The following MUTYH variants were observed in gnomAD, a reference collection of about 807,000 sequenced individuals.
MUTYH encodes the protein adenine DNA glycosylase.
A neutral mutation model predicts 72.9 loss-of-function variants in MUTYH; 64 were observed. The observed-to-expected ratio is 0.88, with a 90% CI of 0.72 to 1.08. The LOEUF (loss-of-function observed/expected upper bound fraction) is 1.08, where lower values mean the gene tolerates loss of function less well. Among genes scored for constraint, MUTYH ranks in the 50% least tolerant of loss-of-function variants. MUTYH has a pLI of 0.00. For missense variants in MUTYH, 633 were observed against 671.0 expected (o/e 0.94, Z 0.63); for synonymous variants, 234 against 263.1 (o/e 0.89, Z 1.07).
chr1:45,331,388 C>T, intron 13 of MUTYH, 32 bp downstream of exon 13: 1 of 1,614,240 alleles, frequency 6.2e-7, no homozygotes, highest in Non-Finnish European at 8.5e-7. Context: ...CCTCAAAAGC[C>T]AACATCCTTG....
intron 1 of MUTYH, among the ~76,000 whole-genome samples, chr1:45,335,496 A>C (rs1570480032): frequency 6.6e-6 from 1 of 150,708 alleles, no homozygotes. Context: ...CTCCATTTGC[A>C]CTGTCTTACC....
At chr1:45,338,340 C>T (rs1646263915) in intron 1 of MUTYH, 1 of 509,458 alleles carries the variant, frequency 2.0e-6, no homozygotes, top group Non-Finnish European at 3.8e-6. Context: ...TGCTTAAACA[C>T]CTCAAGTGTG....
rs376600220 is a variant in MUTYH at position 45,333,176 on chromosome 1, G to C, written c.305-6C>G. 6.2e-7 allele frequency: 1 copy of C among 1,614,212 alleles called. No individual in the cohort carries two copies. Among genetic ancestry groups the C allele is most frequent in the Non-Finnish European group, 8.5e-7 (1 of 1,180,032 alleles). On this transcript the variant is annotated splice_region_variant and splice_polypyrimidine_tract_variant and intron_variant, in intron 4 of 15. Coordinates refer to ENST00000456914, the MANE Select transcript of MUTYH (RefSeq NM_001048174.2). ...CATGACCTCTGAGACCCACACTGGG[G>C]GAAAGGGGTTGGCATGAGGACACTG...
rs876660505 is a variant in MUTYH, at chr1:45,333,307, G to A, written c.282C>T (p.Asp94=). The A allele has an allele frequency of 5.0e-6, 8 of 1,614,102 alleles. No homozygotes were observed. The African/African-American group carries it at 1.1e-4, about 22-fold the overall frequency. Residue 94 remains aspartate, a synonymous_variant, in exon 4 of 16, where the codon GAC becomes GAT. Transcript: ENST00000456914. Reference sequence around the variant, plus strand: ...GACCAGCATATGCCCGCCTGTCCAGGTCCATCTCATCTTCTGCCTGTCAAT... The same window carrying A: ...GACCAGCATATGCCCGCCTGTCCAGATCCATCTCATCTTCTGCCTGTCAAT... ...PWRRRAEDEM[D]LDRRAYAVWV... is the part of the protein sequence containing the mutation.
intron 14 of MUTYH, 62 bp downstream of exon 14, chr1:45,331,120 T>G: frequency 6.2e-7 from 1 of 1,605,100 alleles, no homozygotes; most frequent in Non-Finnish European, 8.5e-7. Context: ...TACACAGTAA[T>G]ATATTCATGT....
At position 45,330,510 on chromosome 1, in the gene MUTYH, ACT is replaced by A. The variant is rs2149102589; in HGVS notation, c.1434+4_1434+5del. ...GACACGGTTGGGAGAGGCCTAGGAG[ACT>A]TACCATACAGGTCCCTGGCTGTTGG... On this transcript the variant is annotated splice_donor_5th_base_variant and intron_variant, in intron 15 of 15. Coordinates refer to ENST00000456914, the MANE Select transcript of MUTYH (RefSeq NM_001048174.2). The A allele has an allele frequency of 1.2e-6, 2 of 1,608,668 alleles. No homozygotes were observed.
At chr1:45,332,001 G>T (rs770206338) in intron 11 of MUTYH, 22 bp downstream of exon 11, 34 of 1,614,030 alleles carry the variant, frequency 2.1e-5, no homozygotes, top group Non-Finnish European at 2.6e-5. Flanking sequence ...GGGTTGGGGT[G>T]GGGGCTAGGT....
chr1:45,336,450 G>A (rs954535344), intron 1 of MUTYH, among the ~76,000 whole-genome samples: 1 of 152,206 alleles, frequency 6.6e-6, no homozygotes, highest in Non-Finnish European at 1.5e-5. Flanking sequence ...TACAAAAGAA[G>A]TGAAAATAGC....
Position 45,331,381 on chromosome 1 carries a change from CA to C in MUTYH, c.1239+38del, listed in dbSNP as rs770215326. The C allele has an allele frequency of 3.1e-6, 5 of 1,614,238 alleles. No individual in the cohort carries two copies. The Admixed American group carries it at 6.7e-5, about 22-fold the overall frequency. ...TCAAATAGGCCTGTGGATATAGCCT[CA>C]AAAGCCAACATCCTTGGCTATTCCG... On this transcript the variant is annotated intron_variant, in intron 13 of 15. Transcript: ENST00000456914.
At chr1:45,339,521 C>T in intron 1 of MUTYH, 1 of 265,394 alleles carries the variant, frequency 3.8e-6, no homozygotes, top group Non-Finnish European at 7.5e-6. Flanking sequence ...GCCTAGGAAC[C>T]TCTTTCAAAT....
At chr1:45,330,808 G>C (rs1644682126) in intron 14 of MUTYH, among the ~76,000 whole-genome samples, 1 of 152,086 alleles carries the variant, frequency 6.6e-6, no homozygotes, top group Non-Finnish European at 1.5e-5. Flanking sequence ...ATCATGGCTG[G>C]GTGTGGTAGC....
At position 45,329,328 on chromosome 1, in the gene MUTYH, C is replaced by CTG; in HGVS notation, c.1542_1543dup (p.Ser515ThrfsTer29). ...GTGTCACTGGGCTGCACTGTTGAGGCTGTGTGCATCAGTGGAGATGTGAGA... is the reference window on the plus strand; with the variant it reads ...GTGTCACTGGGCTGCACTGTTGAGGCTGTGTGTGCATCAGTGGAGATGTGAGA... On this transcript the variant is annotated frameshift_variant, in exon 16 of 16. Coordinates refer to ENST00000456914, the MANE Select transcript of MUTYH (RefSeq NM_001048174.2). LOFTEE classifies it high-confidence loss of function. 6.2e-7 allele frequency: 1 copy of CTG among 1,614,164 alleles called. No individual in the cohort carries two copies. Among genetic ancestry groups the CTG allele is most frequent in the South Asian group, 1.1e-5 (1 of 91,086 alleles).
rs587781444 is a variant in MUTYH at position 45,333,296 on chromosome 1, C to T, written c.293G>A (p.Arg98Gln). ...RAEDEMDLDR[R>Q]AYAVWVSEVM... Reference sequence around the variant, plus strand: ...GGAGATGTACTGACCAGCATATGCCCGCCTGTCCAGGTCCATCTCATCTTC... The same window carrying T: ...GGAGATGTACTGACCAGCATATGCCTGCCTGTCCAGGTCCATCTCATCTTC... The change falls in exon 4 of 16, where the codon CGG (arginine) becomes CAG (glutamine). Residue 98 changes from arginine (R) to glutamine (Q), a missense_variant. By Grantham distance (43) the Arg-to-Gln change is conservative. Coordinates refer to ENST00000456914, the MANE Select transcript of MUTYH (RefSeq NM_001048174.2). 19 of 1,614,094 alleles carry T rather than the reference C, an allele frequency of 1.2e-5. No homozygotes were observed. Among genetic ancestry groups the T allele is most frequent in the East Asian group, 1.1e-4 (5 of 44,898 alleles).
chr1:45,336,894 T>TTAC lies in MUTYH; in HGVS notation c.-6-2384_-6-2383insGTA, dbSNP rs147550672. On this transcript the variant is annotated intron_variant, in intron 1 of 15. Coordinates refer to ENST00000456914, the MANE Select transcript of MUTYH (RefSeq NM_001048174.2). ...TCTCCCAATGTGCATGTTAATAAATTTGTATGCCTTTTCTCCAGTTAACCT... is the reference window on the plus strand; with the variant it reads ...TCTCCCAATGTGCATGTTAATAAATTTACTGTATGCCTTTTCTCCAGTTAACCT... Among the ~76,000 whole-genome samples the TTAC allele has an allele frequency of 3.2e-3, 487 of 152,268 alleles. 3 individuals carry two copies. Among genetic ancestry groups the TTAC allele is most frequent in the African/African-American group, 0.011 (466 of 41,544 alleles).
chr1:45,331,429 G>A lies in MUTYH; in HGVS notation c.1230C>T (p.His410=), dbSNP rs776022816. ...AGPLPATHLR[H]LGEVVHTFSH... ...TCCGCTGCTCACTTACCTCCCCAAG[G>A]TGCCGGAGGTGCGTGGCTGGGAGGG... The change falls in exon 13 of 16, where the codon CAC becomes CAT. Residue 410 remains histidine (H), a synonymous_variant. Coordinates refer to ENST00000456914, the MANE Select transcript of MUTYH (RefSeq NM_001048174.2). The A allele has an allele frequency of 1.2e-6, 2 of 1,614,132 alleles. No individual in the cohort carries two copies. Among genetic ancestry groups the A allele is most frequent in the African/African-American group, 1.3e-5 (1 of 74,948 alleles).
chr1:45,332,116 G>A (rs2149135664), intron 10 of MUTYH, 30 bp from the exon 11 acceptor site: 1 of 1,614,194 alleles, frequency 6.2e-7, no homozygotes, highest in Non-Finnish European at 8.5e-7. Context: ...GTGTCATAGG[G>A]CAGAGTCACT....
At chr1:45,330,860 G>A (rs989108561) in intron 14 of MUTYH, among the ~76,000 whole-genome samples, 3 of 151,982 alleles carry the variant, frequency 2.0e-5, no homozygotes, top group Non-Finnish European at 2.9e-5. Context: ...TGAGGCGGGC[G>A]GATCACTTGA....
At chr1:45,339,000 C>A (rs1646450900) in intron 1 of MUTYH, among the ~76,000 whole-genome samples, 1 of 152,038 alleles carries the variant, frequency 6.6e-6, no homozygotes, top group African/African-American at 2.4e-5. Context: ...CTCCTAGGGT[C>A]AAGCGATCCT....
chr1:45,340,203 C>G (rs748512468), upstream of MUTYH: 1 of 1,613,624 alleles, frequency 6.2e-7, no homozygotes, highest in Non-Finnish European at 8.5e-7. Flanking sequence ...GGAGACGGAC[C>G]GCAAGTCCAG....
Sources: allele counts gnomAD v4.1 joint callset (sites outside exome capture counted in the v4.1 genomes callset), GRCh38; gene constraint gnomAD v4.1.1; transcripts MANE v1.5; gene names NCBI Gene and HGNC (gene_info 2026-07-23, HGNC 2026-07-21).